Variants in SHISA6 observed in about 807,000 individuals in gnomAD.
SHISA6 encodes the protein protein shisa-6.
Under a neutral mutation model 47.9 loss-of-function variants are expected in SHISA6, and 22 were observed. The ratio of observed to expected loss-of-function variants is 0.46; its 90% CI spans 0.33 to 0.66. The LOEUF is 0.66. SHISA6 is among the 30% of genes least tolerant of loss of function. The pLI, the probability that SHISA6 is intolerant of heterozygous loss-of-function variation, is 0.02. For missense variants in SHISA6, 680 were observed against 764.6 expected, an observed-to-expected ratio of 0.89 and a Z score of 1.30; for synonymous variants, 388 against 337.8, an observed-to-expected ratio of 1.15 and a Z score of -1.63.
intron 2 of SHISA6, among the ~76,000 whole-genome samples, chr17:11,273,068 A>G (rs1597433403): frequency 6.6e-6 from 1 of 152,340 alleles, no homozygotes; most frequent in Middle Eastern, 3.4e-3. Context: ...TACTTTTAAA[A>G]TGCTTTCCAT....
At chr17:11,283,858 G>C (rs1046935686) in intron 2 of SHISA6, among the ~76,000 whole-genome samples, 1 of 152,176 alleles carries the variant, frequency 6.6e-6, no homozygotes, top group African/African-American at 2.4e-5. Flanking sequence ...TTGCTATTAA[G>C]GAGGCATATT....
chr17:11,282,466 G>T (rs937736485), intron 2 of SHISA6, among the ~76,000 whole-genome samples: 4 of 151,640 alleles, frequency 2.6e-5, no homozygotes, highest in South Asian at 4.2e-4. Context: ...TGATATATAG[G>T]TATACATGTG....
At chr17:11,423,190 T>C (rs919921017) in intron 3 of SHISA6, among the ~76,000 whole-genome samples, 3 of 149,380 alleles carry the variant, frequency 2.0e-5, no homozygotes, top group African/African-American at 4.9e-5. Context: ...CCTAAAAGGA[T>C]TGCATTTCTG....
chr17:11,523,490 A>G (rs2071647651), intron 3 of SHISA6, among the ~76,000 whole-genome samples: 1 of 152,192 alleles, frequency 6.6e-6, no homozygotes, highest in Non-Finnish European at 1.5e-5. Context: ...ACAAAGCTGG[A>G]GCCAGAAGTC....
At chr17:11,269,469 C>T (rs935391098) in intron 2 of SHISA6, among the ~76,000 whole-genome samples, 1 of 152,154 alleles carries the variant, frequency 6.6e-6, no homozygotes, top group African/African-American at 2.4e-5. Context: ...GACTGTTACC[C>T]AGGGTGCCCT....
chr17:11,554,243 C>T (rs1218442897), intron 4 of SHISA6, among the ~76,000 whole-genome samples: 2 of 152,150 alleles, frequency 1.3e-5, no homozygotes, highest in Non-Finnish European at 2.9e-5. Context: ...GGCATCTGTC[C>T]TGATGCATGC....
Position 11,373,588 on chromosome 17 carries a change from G to A in SHISA6, c.800-5826G>A, listed in dbSNP as rs538625587. Among the ~76,000 whole-genome samples, 14 of 151,904 alleles carry A rather than the reference G, an allele frequency of 9.2e-5. No individual in the cohort carries two copies. In the Middle Eastern group the frequency reaches 0.014, roughly 148 times the overall value. ...TATCTGTATAATACTACATATGCAC[G>A]CATCCTCAAACAACATAATGTGTTA... On this transcript the variant is annotated intron_variant, in intron 2 of 5. Transcript: ENST00000441885.
rs1200827986 is a variant in SHISA6, at chr17:11,558,425, G to T, written c.*121G>T. The T allele has an allele frequency of 1.7e-6, 2 of 1,202,552 alleles. No individual in the cohort carries two copies. Among genetic ancestry groups the T allele is most frequent in the East Asian group, 5.1e-5 (2 of 39,068 alleles). The allele number at this position is 1,202,552 out of a possible 1,614,324, so 74.5% of individuals were successfully genotyped here. On this transcript the variant is annotated 3_prime_UTR_variant, in exon 6 of 6. Transcript: ENST00000441885. ...CCCTTGTCCCCTCTGTAGGAAGTGG[G>T]GGTGGGCCACCTTTGCCCAAAAAGC...
intron 3 of SHISA6, among the ~76,000 whole-genome samples, chr17:11,520,744 G>A (rs548608091): frequency 3.3e-5 from 5 of 152,170 alleles, no homozygotes; most frequent in African/African-American, 1.2e-4. Context: ...TCTCATCCAT[G>A]AGACCTCTGC....
chr17:11,264,946 C>A (rs1305642551), intron 2 of SHISA6, among the ~76,000 whole-genome samples: 1 of 152,144 alleles, frequency 6.6e-6, no homozygotes, highest in Admixed American at 6.5e-5. Context: ...TTAATAGATT[C>A]ATCCAAAGTT....
intron 2 of SHISA6, among the ~76,000 whole-genome samples, chr17:11,302,713 G>C (rs937285432): frequency 3.9e-5 from 6 of 152,200 alleles, no homozygotes; most frequent in Non-Finnish European, 8.8e-5. Context: ...TTAGGTCCTA[G>C]CAGGAAGATG....
intron 3 of SHISA6, among the ~76,000 whole-genome samples, chr17:11,428,902 A>G (rs1183989933): frequency 6.7e-6 from 1 of 149,296 alleles, no homozygotes; most frequent in African/African-American, 2.5e-5. Flanking sequence ...CTCCTGCCTC[A>G]GCCTCCCAAG....
intron 2 of SHISA6, among the ~76,000 whole-genome samples, chr17:11,302,275 C>T (rs916118296): frequency 4.6e-5 from 7 of 152,124 alleles, no homozygotes; most frequent in Admixed American, 1.3e-4. Flanking sequence ...TTCCTGACAG[C>T]AAAATTTGAG....
chr17:11,492,433 T>G (rs1386272441), intron 3 of SHISA6, among the ~76,000 whole-genome samples: 1 of 152,200 alleles, frequency 6.6e-6, no homozygotes, highest in Non-Finnish European at 1.5e-5. Context: ...GACTTGAGTT[T>G]AAGTCTCAGC....
At chr17:11,314,501 C>T (rs1292008830) in intron 2 of SHISA6, among the ~76,000 whole-genome samples, 1 of 149,782 alleles carries the variant, frequency 6.7e-6, no homozygotes, top group Non-Finnish European at 1.5e-5. Context: ...TCACTGTGTA[C>T]TTTTACGTCA....
chr17:11,311,788 T>TC (rs1281626062), intron 2 of SHISA6, among the ~76,000 whole-genome samples: 2 of 152,108 alleles, frequency 1.3e-5, no homozygotes, highest in East Asian at 1.9e-4. Flanking sequence ...TCTTTTCTTT[T>TC]TTTTTGAGAC....
intron 3 of SHISA6, among the ~76,000 whole-genome samples, chr17:11,482,730 T>C (rs9911093): frequency 7.8e-4 from 118 of 152,238 alleles, no homozygotes; most frequent in African/African-American, 2.6e-3. Context: ...TTGATCAATA[T>C]TGGGGCCAAA....
chr17:11,301,545 C>T (rs1464566930), intron 2 of SHISA6, among the ~76,000 whole-genome samples: 3 of 152,202 alleles, frequency 2.0e-5, no homozygotes, highest in African/African-American at 7.2e-5. Flanking sequence ...ACTCTGGTCA[C>T]ACCGTGCATG....
intron 2 of SHISA6, among the ~76,000 whole-genome samples, chr17:11,294,104 T>G (rs1160780285): frequency 2.0e-5 from 3 of 152,114 alleles, no homozygotes; most frequent in African/African-American, 7.2e-5. Flanking sequence ...CAGGATGGTC[T>G]TGATCTCTTG....
Sources: gnomAD v4.1 joint callset for allele counts (sites outside exome capture counted in the v4.1 genomes callset) on GRCh38, gnomAD v4.1.1 for gene constraint, MANE v1.5 for transcripts, NCBI Gene and HGNC (gene_info 2026-07-23, HGNC 2026-07-21) for gene names.